NOTO: variants seen among roughly 807,000 people sequenced by gnomAD.
NOTO encodes homeobox protein notochord.
In NOTO, 19 loss-of-function variants were observed where a neutral mutation model predicts 20.5. The observed-to-expected ratio is 0.93, with a 90% CI of 0.65 to 1.36. The LOEUF (loss-of-function observed/expected upper bound fraction) is 1.36. NOTO is among the 40% of genes most tolerant of loss of function. The pLI, the probability that NOTO is intolerant of heterozygous loss-of-function variation, is 0.00. For missense variants in NOTO, 369 were observed against 336.2 expected, an observed-to-expected ratio of 1.10 and a Z score of -0.76; for synonymous variants, 150 against 150.2, an observed-to-expected ratio of 1.00 and a Z score of 0.01.
At chr2:73,206,074 T>C (rs552904869) in intron 1 of NOTO, among the ~76,000 whole-genome samples, 1 of 152,122 alleles carries the variant, frequency 6.6e-6, no homozygotes, top group Non-Finnish European at 1.5e-5. Context: ...ACTTCCTCAC[T>C]GTGAAGTCAT....
chr2:73,208,649 A>C, intron 2 of NOTO, 35 bp downstream of exon 2: 1 of 1,384,310 alleles, frequency 7.2e-7, no homozygotes, highest in African/African-American at 1.4e-5. Context: ...CCTGGGCTGC[A>C]CCTGGGGACA....
At chr2:73,204,264 T>A (rs1318471336) in intron 1 of NOTO, among the ~76,000 whole-genome samples, 3 of 151,842 alleles carry the variant, frequency 2.0e-5, no homozygotes, top group African/African-American at 7.3e-5. Flanking sequence ...GGCAACAGAG[T>A]GAGACTCCGT....
intron 1 of NOTO, among the ~76,000 whole-genome samples, chr2:73,203,461 C>CTGT (rs1686035931): frequency 7.1e-6 from 1 of 140,200 alleles, no homozygotes; most frequent in South Asian, 2.2e-4. Flanking sequence ...ACCAATGGCC[C>CTGT]TGTTTTTTTT....
Position 73,210,814 on chromosome 2 carries a change from A to T in NOTO, c.641A>T (p.Gln214Leu). ...AACCGCAGGGTCAAGTATCAGAAGC[A>T]GCAAAAGCTGAGGGCAGCAGTTACA... ...FQNRRVKYQK[Q>L]QKLRAAVTSA... The change falls in exon 3 of 3, where the codon CAG becomes CTG. Residue 214 changes from glutamine (Q) to leucine (L), a missense_variant. By Grantham distance (113) the Gln-to-Leu change is moderately radical. Coordinates refer to ENST00000398468, the MANE Select transcript of NOTO (RefSeq NM_001134462.2). 6.4e-7 allele frequency: 1 copy of T among 1,551,682 alleles called. No individual in the cohort carries two copies. Among genetic ancestry groups the T allele is most frequent in the South Asian group, 1.2e-5 (1 of 84,044 alleles).
At chr2:73,203,137 G>A in intron 1 of NOTO, 89 bp downstream of exon 1, 4 of 1,145,834 alleles carry the variant, frequency 3.5e-6, no homozygotes, top group Non-Finnish European at 4.6e-6. Context: ...TGCAGGAGAG[G>A]GCACTGAGTG....
In NOTO at chr2:73,206,171, C is replaced by T. The variant is rs189153111; in HGVS notation, c.383-2229C>T. On this transcript the variant is annotated intron_variant, in intron 1 of 2. Transcript: ENST00000398468. Reference sequence around the variant, plus strand: ...TCCTCCATTTAGATTTTTTTTAGTGCAAGGTATTGGGTATGGATCCAGCTT... The same window carrying T: ...TCCTCCATTTAGATTTTTTTTAGTGTAAGGTATTGGGTATGGATCCAGCTT... Among the ~76,000 whole-genome samples the T allele has an allele frequency of 6.7e-4, 102 of 152,026 alleles. No homozygotes were observed. The East Asian group carries it at 0.015, about 23-fold the overall frequency.
At chr2:73,203,083 G>C in intron 1 of NOTO, 35 bp downstream of exon 1, 2 of 1,369,248 alleles carry the variant, frequency 1.5e-6, no homozygotes, top group South Asian at 3.5e-5. Context: ...GCGGGGGACT[G>C]GGCGGGGGCT....
chr2:73,211,049 C>T lies in NOTO; in HGVS notation c.*120C>T. On this transcript the variant is annotated 3_prime_UTR_variant, in exon 3 of 3. Transcript: ENST00000398468. ...CCTCAACCAGAAGAATCTGAGCTGT[C>T]AAGCAGGGACCCCCTTTTCTATACT... 8.1e-6 allele frequency: 6 copies of T among 738,866 alleles called. No individual in the cohort carries two copies. The highest frequency in any genetic ancestry group is 1.1e-5 in the Non-Finnish European group (5 of 463,206). The allele number at this position is 738,866 out of a possible 1,614,324, so 45.8% of individuals were successfully genotyped here.
At chr2:73,203,148 TGA>T in intron 1 of NOTO, 100 bp downstream of exon 1, 1 of 1,063,390 alleles carries the variant, frequency 9.4e-7, no homozygotes, top group Non-Finnish European at 1.2e-6. Context: ...GCACTGAGTG[TGA>T]GAATCACACA....
At chr2:73,203,835 T>G (rs10164870) in intron 1 of NOTO, among the ~76,000 whole-genome samples, 2,212 of 92,238 alleles carry the variant, frequency 0.024, 60 homozygotes, top group African/African-American at 0.061. Flanking sequence ...GCGCGGTGGC[T>G]CACGCCTGTA....
intron 2 of NOTO, among the ~76,000 whole-genome samples, chr2:73,209,388 C>T (rs1047905005): frequency 6.6e-6 from 1 of 152,118 alleles, no homozygotes; most frequent in Non-Finnish European, 1.5e-5. Flanking sequence ...CATGACTTTT[C>T]CCTACCATTC....
At chr2:73,210,098 C>CT (rs1245987312) in intron 2 of NOTO, among the ~76,000 whole-genome samples, 1 of 151,858 alleles carries the variant, frequency 6.6e-6, no homozygotes, top group African/African-American at 2.4e-5. Context: ...GCACAGTGCA[C>CT]TTCAGATGTA....
At chr2:73,207,718 C>G (rs1686108688) in intron 1 of NOTO, among the ~76,000 whole-genome samples, 1 of 152,056 alleles carries the variant, frequency 6.6e-6, no homozygotes, top group African/African-American at 2.4e-5. Context: ...CCATGCCTGG[C>G]TAATTTTTGT....
chr2:73,208,293 G>A, intron 1 of NOTO, 107 bp from the exon 2 acceptor site: 1 of 691,094 alleles, frequency 1.4e-6, no homozygotes, highest in Non-Finnish European at 2.5e-6. Flanking sequence ...AGGCAAGGTA[G>A]CAGAGCTGTG....
At chr2:73,209,339 C>T (rs898919693) in intron 2 of NOTO, among the ~76,000 whole-genome samples, 4 of 152,024 alleles carry the variant, frequency 2.6e-5, no homozygotes, top group Middle Eastern at 3.2e-3. Context: ...TCACTTTGTC[C>T]GTGTCCTCGC....
chr2:73,210,136 G>A (rs2103697341), intron 2 of NOTO, among the ~76,000 whole-genome samples: 2 of 152,312 alleles, frequency 1.3e-5, no homozygotes, highest in Middle Eastern at 6.8e-3. Flanking sequence ...CCACGTAAAA[G>A]CCTCATGGGT....
rs1407145282 is a variant in NOTO at position 73,202,854 on chromosome 2, C to T, written c.188C>T (p.Pro63Leu). ...CTGGCGAGGCCCGACCCCTGCGCGC[C>T]GGCGGCCTCCCAGCCGTCGGGCTCC... Reference protein sequence around the residue: ...AILARPDPCAPAASQPSGSAC... With the variant: ...AILARPDPCALAASQPSGSAC... Residue 63 changes from proline (P) to leucine (L), a missense_variant, in exon 1 of 3, where the codon CCG becomes CTG. Coordinates refer to ENST00000398468, the MANE Select transcript of NOTO (RefSeq NM_001134462.2). The T allele has an allele frequency of 2.6e-6, 4 of 1,526,680 alleles. No individual in the cohort carries two copies. The African/African-American group carries it at 4.2e-5, about 16-fold the overall frequency. 94.6% of individuals were successfully genotyped at this position (1,526,680 alleles called of 1,614,324 possible).
At position 73,212,099 on chromosome 2, in the gene NOTO, C is replaced by G. The variant is rs1686192329; in HGVS notation, c.*1170C>G. 1 of 152,200 alleles carries G rather than the reference C, an allele frequency of 6.6e-6. No individual in the cohort carries two copies. The highest frequency in any genetic ancestry group is 6.5e-5 in the Admixed American group (1 of 15,278). 9.4% of individuals were successfully genotyped at this position (152,200 alleles called of 1,614,324 possible). On this transcript the variant is annotated 3_prime_UTR_variant, in exon 3 of 3. Transcript: ENST00000398468. ...CTGTTTAGCCCACTTCACAAAGTTT[C>G]CCAACGTTTTCTTGTTTTGTCTGAA...
intron 2 of NOTO, among the ~76,000 whole-genome samples, chr2:73,210,172 G>A (rs1161576934): frequency 1.3e-5 from 2 of 152,196 alleles, no homozygotes; most frequent in Non-Finnish European, 2.9e-5. Flanking sequence ...TGGCCTTCCA[G>A]GTCCTGGGTG....
Sources: allele counts gnomAD v4.1 joint callset (sites outside exome capture counted in the v4.1 genomes callset), GRCh38; gene constraint gnomAD v4.1.1; transcripts MANE v1.5; gene names NCBI Gene and HGNC (gene_info 2026-07-23, HGNC 2026-07-21).